CCT5: variants seen among roughly 807,000 people sequenced by gnomAD.
CCT5 encodes T-complex protein 1 subunit epsilon.
CCT5 carries 6 observed loss-of-function variants against 55.0 expected under a neutral mutation model. The observed-to-expected ratio is 0.11, with a 90% CI of 0.06 to 0.22. The LOEUF is 0.22. CCT5 is among the 10% of genes least tolerant of loss of function. The pLI is 1.00. For missense variants in CCT5, 560 were observed against 694.6 expected (o/e 0.81, Z 2.18); for synonymous variants, 231 against 243.7 (o/e 0.95, Z 0.49).
chr5:10,251,931 C>G (rs183562451), intron 1 of CCT5, among the ~76,000 whole-genome samples: 1 of 152,328 alleles, frequency 6.6e-6, no homozygotes, highest in Non-Finnish European at 1.5e-5. Context: ...CCAGAAGTCG[C>G]ACACTCTGAG....
At position 10,265,799 on chromosome 5, in the gene CCT5, C is replaced by G. The variant is rs1016636929; in HGVS notation, c.*1016C>G. ...CTCTGTTATTTGCTTGTTAATGATT[C>G]TCTAGATTTTCTAAAATAATGTTTC... On this transcript the variant is annotated 3_prime_UTR_variant, in exon 11 of 11. Coordinates refer to ENST00000280326, the MANE Select transcript of CCT5 (RefSeq NM_012073.5). 1.3e-5 allele frequency: 2 copies of G among 152,062 alleles called. No homozygotes were observed. Among genetic ancestry groups the G allele is most frequent in the African/African-American group, 4.8e-5 (2 of 41,404 alleles). The allele number at this position is 152,062 out of a possible 1,614,324, so 9.4% of individuals were successfully genotyped here. A position where few individuals can be genotyped will look rare whatever the true frequency, so the allele number is the denominator to read the frequency against.
At chr5:10,253,881 G>A (rs538311584) in intron 1 of CCT5, among the ~76,000 whole-genome samples, 1 of 152,250 alleles carries the variant, frequency 6.6e-6, no homozygotes, top group African/African-American at 2.4e-5. Context: ...TAAATGGGCT[G>A]GTAAAAGAAT....
chr5:10,264,825 T>C lies in CCT5; in HGVS notation c.*42T>C, dbSNP rs773168810. The C allele has an allele frequency of 1.9e-6, 3 of 1,609,466 alleles. No homozygotes were observed. The highest frequency in any genetic ancestry group is 4.5e-5 in the East Asian group (2 of 44,774). On this transcript the variant is annotated 3_prime_UTR_variant, in exon 11 of 11. Transcript: ENST00000280326. ...ATGTAGCAAGATCCACTTCTGTGATTAAGTAAATGGATGTCTCGTGATGCA... is the reference window on the plus strand; with the variant it reads ...ATGTAGCAAGATCCACTTCTGTGATCAAGTAAATGGATGTCTCGTGATGCA...
intron 8 of CCT5, 104 bp from the exon 9 acceptor site, chr5:10,262,377 A>C: frequency 7.9e-7 from 1 of 1,259,330 alleles, no homozygotes; most frequent in South Asian, 1.2e-5. Flanking sequence ...AGGCCATCTA[A>C]ATATTAGAGC....
intron 8 of CCT5, chr5:10,262,120 A>G (rs1004658939): frequency 3.6e-5 from 14 of 393,218 alleles, no homozygotes; most frequent in Non-Finnish European, 6.2e-5. Flanking sequence ...TGGTATTATT[A>G]CCAAGGATGA....
chr5:10,255,684 A>G (rs1440709726), intron 3 of CCT5, among the ~76,000 whole-genome samples: 1 of 152,068 alleles, frequency 6.6e-6, no homozygotes, highest in Non-Finnish European at 1.5e-5. Context: ...CTCTTAGAAA[A>G]ATGTTCTTTT....
At chr5:10,254,861 T>C in intron 3 of CCT5, 23 bp downstream of exon 3, 1 of 1,605,926 alleles carries the variant, frequency 6.2e-7, no homozygotes, top group Non-Finnish European at 8.5e-7. Flanking sequence ...AAAACATCCT[T>C]TCTCATTTAA....
At chr5:10,250,652 C>T (rs1579442885) in intron 1 of CCT5, 2 of 1,417,268 alleles carry the variant, frequency 1.4e-6, no homozygotes, top group Non-Finnish European at 1.8e-6. Context: ...ATGTGGGGGC[C>T]AGCCAGGCTG....
Position 10,265,038 on chromosome 5 carries a change from G to T in CCT5, c.*255G>T. 1 of 429,920 alleles carries T rather than the reference G, an allele frequency of 2.3e-6. No homozygotes were observed. The highest frequency in any genetic ancestry group is 4.2e-6 in the Non-Finnish European group (1 of 239,056). 26.6% of individuals were successfully genotyped at this position (429,920 alleles called of 1,614,324 possible). On this transcript the variant is annotated 3_prime_UTR_variant, in exon 11 of 11. Transcript: ENST00000280326. ...ACCTTTATCTTCTCTTCGGGTTTAA[G>T]AAACGTTTATTGTAACAGTAATTAA...
chr5:10,262,444 T>C (rs80133586), intron 8 of CCT5, 37 bp from the exon 9 acceptor site: 1 of 1,612,304 alleles, frequency 6.2e-7, no homozygotes, highest in African/African-American at 1.3e-5. Context: ...TGACTAGATC[T>C]TGATCACATT....
chr5:10,250,919 A>C, intron 1 of CCT5: 5 of 978,148 alleles, frequency 5.1e-6, no homozygotes, highest in African/African-American at 1.8e-5. Flanking sequence ...AGGGTATTTC[A>C]TTTCTGAGTG....
rs1745980743 is a variant in CCT5, at chr5:10,261,865, A to G, written c.1179+120A>G. On this transcript the variant is annotated intron_variant, in intron 8 of 10. Transcript: ENST00000280326. The stretch of plus-strand genomic sequence containing the variant: ...TAAGAAAAATAATCGTGGTTCTCAA[A>G]CAATGACGTATCATGGTGTAAAATT... 7 of 819,290 alleles carry G rather than the reference A, an allele frequency of 8.5e-6. No individual in the cohort carries two copies. In the East Asian group the frequency reaches 1.8e-4, roughly 21 times the overall value. The allele number at this position is 819,290 out of a possible 1,614,324, so 50.8% of individuals were successfully genotyped here.
At chr5:10,256,288 T>C in intron 4 of CCT5, 135 bp downstream of exon 4, 1 of 831,342 alleles carries the variant, frequency 1.2e-6, no homozygotes, top group Non-Finnish European at 2.0e-6. Flanking sequence ...TTGGTTTTGC[T>C]TTGTTTTTAA....
Position 10,254,769 on chromosome 5 carries a change from G to A in CCT5, c.262G>A (p.Ala88Thr), listed in dbSNP as rs1745592927. Residue 88 changes from alanine (A) to threonine (T), a missense_variant, in exon 3 of 11, where the codon GCC becomes ACC. Physicochemically the swap from Ala to Thr is moderately conservative, Grantham distance 58. This residue lies in a region of CCT5 where 137 missense variants were observed against 181.9 expected (regional missense o/e 0.75). Coordinates refer to ENST00000280326, the MANE Select transcript of CCT5 (RefSeq NM_012073.5). ...LSMMDVDHQIAKLMVELSKSQ... is the reference protein window; with the variant it reads ...LSMMDVDHQITKLMVELSKSQ... ...CATGATGGATGTTGATCATCAGATT[G>A]CCAAGCTGATGGTGGAACTGTCCAA... 6.2e-7 allele frequency: 1 copy of A among 1,613,904 alleles called. No homozygotes were observed.
intron 1 of CCT5, among the ~76,000 whole-genome samples, chr5:10,253,518 G>C (rs529339415): frequency 1.3e-5 from 2 of 152,144 alleles, no homozygotes. Flanking sequence ...TCCCAAGTAG[G>C]GGGGGTTGCA....
Position 10,258,559 on chromosome 5 carries a change from T to C in CCT5, c.873+24T>C, listed in dbSNP as rs1414629218. Reference sequence around the variant, plus strand: ...AAGTAAGTCTTACCAGAGTCCTCAGTGGAATTTAAACTCCCAAAGGGTACA... The same window carrying C: ...AAGTAAGTCTTACCAGAGTCCTCAGCGGAATTTAAACTCCCAAAGGGTACA... On this transcript the variant is annotated intron_variant, in intron 6 of 10. Coordinates refer to ENST00000280326, the MANE Select transcript of CCT5 (RefSeq NM_012073.5). 6 of 1,604,032 alleles carry C rather than the reference T, an allele frequency of 3.7e-6. No individual in the cohort carries two copies. In the Admixed American group the frequency reaches 6.7e-5, roughly 18 times the overall value.
intron 1 of CCT5, among the ~76,000 whole-genome samples, chr5:10,252,127 T>C (rs1444729479): frequency 2.6e-5 from 4 of 152,232 alleles, no homozygotes; most frequent in African/African-American, 9.6e-5. Context: ...TTCTTTGCTG[T>C]GGGAGCTCAT....
Position 10,261,755 on chromosome 5 carries a change from C to G in CCT5, c.1179+10C>G. The G allele has an allele frequency of 6.2e-7, 1 of 1,610,516 alleles. No individual in the cohort carries two copies. ...AGGAGGAAATAAGATGGTGAGAATT[C>G]AACTATTTGTCCTATACTGTTGCTT... On this transcript the variant is annotated intron_variant, in intron 8 of 10. Coordinates refer to ENST00000280326, the MANE Select transcript of CCT5 (RefSeq NM_012073.5).
intron 9 of CCT5, 74 bp from the exon 10 acceptor site, chr5:10,263,060 A>G: frequency 8.3e-7 from 1 of 1,199,082 alleles, no homozygotes; most frequent in African/African-American, 1.5e-5. Context: ...TATGTGATAC[A>G]GTTGTGTTTT....
Sources: allele counts gnomAD v4.1 joint callset (sites outside exome capture counted in the v4.1 genomes callset), GRCh38; gene constraint gnomAD v4.1.1; regional missense constraint gnomAD v4.1.1; transcripts MANE v1.5; gene names NCBI Gene and HGNC (gene_info 2026-07-23, HGNC 2026-07-21).